The following CBLB variants were observed in gnomAD, a reference collection of about 807,000 sequenced individuals.
CBLB encodes the protein Cbl proto-oncogene B.
A neutral mutation model predicts 104.9 loss-of-function variants in CBLB; 31 were observed. The ratio of observed to expected loss-of-function variants is 0.30; its 90% CI spans 0.22 to 0.40. The LOEUF is 0.40. Among genes scored for constraint, CBLB ranks in the 10% least tolerant of loss-of-function variants. The pLI is 1.00. For missense variants in CBLB, 1,062 were observed against 1,214.6 expected (o/e 0.87, Z 1.87); for synonymous variants, 440 against 422.6 (o/e 1.04, Z -0.51).
chr3:105,676,711 T>C (rs974493991), intron 17 of CBLB, among the ~76,000 whole-genome samples: 3 of 152,202 alleles, frequency 2.0e-5, no homozygotes, highest in African/African-American at 7.2e-5. Context: ...CAAGCAGTTA[T>C]GATATGGTTT....
At chr3:105,689,963 T>C (rs2067469027) in intron 13 of CBLB, among the ~76,000 whole-genome samples, 1 of 152,146 alleles carries the variant, frequency 6.6e-6, no homozygotes, top group African/African-American at 2.4e-5. Flanking sequence ...CATACTCTTC[T>C]AGGTCTCAAG....
At chr3:105,739,529 T>C (rs1199127842) in intron 7 of CBLB, among the ~76,000 whole-genome samples, 1 of 152,112 alleles carries the variant, frequency 6.6e-6, no homozygotes, top group African/African-American at 2.4e-5. Context: ...ATCAGACATA[T>C]TTACTATGAA....
At chr3:105,709,837 C>A (rs1460870959) in intron 10 of CBLB, among the ~76,000 whole-genome samples, 1 of 151,792 alleles carries the variant, frequency 6.6e-6, no homozygotes, top group Non-Finnish European at 1.5e-5. Flanking sequence ...GATGGTAAAA[C>A]CAATTTATTC....
chr3:105,726,389 A>C (rs2073637700), intron 9 of CBLB, among the ~76,000 whole-genome samples: 1 of 152,156 alleles, frequency 6.6e-6, no homozygotes, highest in Non-Finnish European at 1.5e-5. Flanking sequence ...ACCACAGGAA[A>C]ATTAATTTTA....
At chr3:105,755,742 C>G (rs1225943077) in intron 4 of CBLB, among the ~76,000 whole-genome samples, 2 of 152,148 alleles carry the variant, frequency 1.3e-5, no homozygotes, top group African/African-American at 4.8e-5. Context: ...TACATTATGA[C>G]TAAGAACATC....
Position 105,685,428 on chromosome 3 carries a change from G to T in CBLB, c.2093C>A (p.Thr698Lys). Residue 698 changes from threonine to lysine, a missense_variant, in exon 14 of 19, where the codon ACA (threonine) becomes AAA (lysine). Physicochemically the swap from Thr to Lys is moderately conservative, Grantham distance 78. Transcript: ENST00000394030. ...GPLANSLSEK[T>K]RDPVEEDDDE... ...ATCATCTTCCTCTACTGGGTCTCTT[G>T]TTTTCTCTGAAAGAGAATTTGCTAA... 4 of 1,613,040 alleles carry T rather than the reference G, an allele frequency of 2.5e-6. No homozygotes were observed. Among genetic ancestry groups the T allele is most frequent in the Non-Finnish European group, 3.4e-6 (4 of 1,179,172 alleles).
chr3:105,702,063 T>C (rs367546485), intron 12 of CBLB, 31 bp downstream of exon 12: 10 of 1,612,492 alleles, frequency 6.2e-6, no homozygotes, highest in Non-Finnish European at 8.5e-6. Context: ...TATAAGCAGA[T>C]TCTCTAGCTT....
chr3:105,850,167 C>T lies in CBLB; in HGVS notation c.419+3247G>A, dbSNP rs977435671. Among the ~76,000 whole-genome samples, 2 of 151,842 alleles carry T rather than the reference C, an allele frequency of 1.3e-5. 1 individual carries two copies. The highest frequency in any genetic ancestry group is 4.1e-4 in the South Asian group (2 of 4,822). On this transcript the variant is annotated intron_variant, in intron 3 of 18. Transcript: ENST00000394030. Reference sequence around the variant, plus strand: ...AGTTACATAATTGGTTAGACGTCTACGAGTATGTTTGGGTTCATCTCTAAT... The same window carrying T: ...AGTTACATAATTGGTTAGACGTCTATGAGTATGTTTGGGTTCATCTCTAAT...
intron 1 of CBLB, among the ~76,000 whole-genome samples, chr3:105,867,971 C>T (rs953540649): frequency 6.6e-6 from 1 of 151,868 alleles, no homozygotes; most frequent in Non-Finnish European, 1.5e-5. Context: ...AATTCCAATT[C>T]AAAATACCAG....
chr3:105,742,363 T>C (rs974584023), intron 6 of CBLB, among the ~76,000 whole-genome samples: 2 of 152,206 alleles, frequency 1.3e-5, no homozygotes, highest in African/African-American at 4.8e-5. Context: ...TATTTAGTAG[T>C]AGAGTGTAAT....
intron 3 of CBLB, among the ~76,000 whole-genome samples, chr3:105,793,558 A>T (rs2081936989): frequency 6.6e-6 from 1 of 152,116 alleles, no homozygotes; most frequent in Admixed American, 6.5e-5. Context: ...AACACCATTA[A>T]CACAAAATCT....
At position 105,780,347 on chromosome 3, in the gene CBLB, G is replaced by T. The variant is rs570919166; in HGVS notation, c.420-3805C>A. ...TAAGCCCATGGGATTTCCCATCATTGTAAGACCTAAAATGATGACTGCCTA... is the reference window on the plus strand; with the variant it reads ...TAAGCCCATGGGATTTCCCATCATTTTAAGACCTAAAATGATGACTGCCTA... On this transcript the variant is annotated intron_variant, in intron 3 of 18. Coordinates refer to ENST00000394030, the MANE Select transcript of CBLB (RefSeq NM_170662.5). 9.7e-4 allele frequency among the ~76,000 whole-genome samples: 148 copies of T among 151,970 alleles called. 1 individual carries two copies. Among genetic ancestry groups the T allele is most frequent in the African/African-American group, 3.2e-3 (132 of 41,444 alleles).
chr3:105,857,296 T>C (rs1277155103), intron 2 of CBLB, among the ~76,000 whole-genome samples: 1 of 152,220 alleles, frequency 6.6e-6, no homozygotes, highest in African/African-American at 2.4e-5. Context: ...TGGGAATTTA[T>C]TGCTTTATCA....
chr3:105,683,536 A>G (rs951251994), intron 14 of CBLB, among the ~76,000 whole-genome samples: 1 of 140,934 alleles, frequency 7.1e-6, no homozygotes, highest in Non-Finnish European at 1.6e-5. Context: ...TATTAAAATT[A>G]TACTCCTCAC....
chr3:105,818,989 TC>T (rs762449874), intron 3 of CBLB, among the ~76,000 whole-genome samples: 13 of 152,228 alleles, frequency 8.5e-5, no homozygotes, highest in Non-Finnish European at 1.8e-4. Context: ...CATAATTGCA[TC>T]TGTGAATCTG....
chr3:105,740,364 AG>A (rs1435658381), intron 7 of CBLB, 129 bp downstream of exon 7: 2 of 891,894 alleles, frequency 2.2e-6, no homozygotes, highest in Non-Finnish European at 3.7e-6. Flanking sequence ...CAAAAAACTA[AG>A]GAACATCCAT....
In CBLB at chr3:105,665,133, T is replaced by C. The variant is rs1454212036; in HGVS notation, c.2689+5100A>G. Among the ~76,000 whole-genome samples the C allele has an allele frequency of 6.6e-5, 10 of 152,206 alleles. No homozygotes were observed. The East Asian group carries it at 1.9e-3, about 29-fold the overall frequency. ...AGTATCTATTTCAGGCCAGGCGCAGTGGCTCACGCCTATAATCCTAGCAGT... is the reference window on the plus strand; with the variant it reads ...AGTATCTATTTCAGGCCAGGCGCAGCGGCTCACGCCTATAATCCTAGCAGT... On this transcript the variant is annotated intron_variant, in intron 18 of 18. Transcript: ENST00000394030.
At chr3:105,803,203 T>C (rs1275984337) in intron 3 of CBLB, among the ~76,000 whole-genome samples, 2 of 152,224 alleles carry the variant, frequency 1.3e-5, no homozygotes, top group Admixed American at 6.5e-5. Flanking sequence ...GTTGTGATAA[T>C]TACCCAAGAG....
At chr3:105,851,235 T>C (rs1047953186) in intron 3 of CBLB, among the ~76,000 whole-genome samples, 29 of 152,052 alleles carry the variant, frequency 1.9e-4, no homozygotes, top group Non-Finnish European at 3.2e-4. Context: ...TGAAAAGACA[T>C]GGAGGAACCT....
Sources: gnomAD v4.1 joint callset for allele counts (sites outside exome capture counted in the v4.1 genomes callset) on GRCh38, gnomAD v4.1.1 for gene constraint, MANE v1.5 for transcripts, NCBI Gene and HGNC (gene_info 2026-07-23, HGNC 2026-07-21) for gene names.